TRERF1: variants seen among roughly 807,000 people sequenced by gnomAD.
TRERF1 encodes the protein transcriptional regulating factor 1.
Under a neutral mutation model 122.9 loss-of-function variants are expected in TRERF1, and 27 were observed. That is an observed-to-expected ratio of 0.22 (90% CI 0.16 to 0.30). The LOEUF is 0.30. Ranked by LOEUF, TRERF1 falls within the 10% of genes least tolerant of loss-of-function variation. TRERF1 has a pLI of 1.00. For synonymous variants in TRERF1, 636 were observed against 641.7 expected (o/e 0.99, Z 0.13); for missense variants, 1,248 against 1,560.3 (o/e 0.80, Z 3.37).
intron 3 of TRERF1, among the ~76,000 whole-genome samples, chr6:42,306,036 C>CTG (rs1298062376): frequency 7.4e-5 from 8 of 108,452 alleles, no homozygotes; most frequent in Admixed American, 1.5e-4. Flanking sequence ...GAGTCTTACT[C>CTG]TGTCTCCCAG....
intron 2 of TRERF1, among the ~76,000 whole-genome samples, chr6:42,380,593 C>T (rs1775745718): frequency 6.6e-6 from 1 of 152,202 alleles, no homozygotes; most frequent in African/African-American, 2.4e-5. Context: ...AAATGTCTCA[C>T]TCTCTGACTT....
chr6:42,243,425 T>C, intron 14 of TRERF1, 64 bp from the exon 15 acceptor site: 1 of 1,156,026 alleles, frequency 8.7e-7, no homozygotes, highest in African/African-American at 1.5e-5. Flanking sequence ...TAGCAAGCAT[T>C]TTTGAATATT....
intron 2 of TRERF1, among the ~76,000 whole-genome samples, chr6:42,420,362 G>A (rs992896921): frequency 6.6e-6 from 1 of 152,130 alleles, no homozygotes; most frequent in African/African-American, 2.4e-5. Flanking sequence ...AACCTGATAA[G>A]AAGCTCCAGT....
At chr6:42,445,837 T>G (rs867672385) in intron 2 of TRERF1, among the ~76,000 whole-genome samples, 11 of 152,196 alleles carry the variant, frequency 7.2e-5, no homozygotes, top group African/African-American at 2.2e-4. Context: ...TCTGCTCTCT[T>G]CTCCACCAAT....
intron 3 of TRERF1, among the ~76,000 whole-genome samples, chr6:42,333,320 G>A (rs1474805514): frequency 1.3e-5 from 2 of 152,266 alleles, no homozygotes; most frequent in Middle Eastern, 3.4e-3. Flanking sequence ...GTTTTAGGGC[G>A]CTCACAACTG....
At chr6:42,385,828 C>A (rs1776705672) in intron 2 of TRERF1, among the ~76,000 whole-genome samples, 1 of 152,206 alleles carries the variant, frequency 6.6e-6, no homozygotes, top group African/African-American at 2.4e-5. Context: ...AATAAATCTT[C>A]TCTGCACAGT....
At chr6:42,443,363 G>A (rs546307672) in intron 2 of TRERF1, among the ~76,000 whole-genome samples, 22 of 152,322 alleles carry the variant, frequency 1.4e-4, no homozygotes, top group African/African-American at 4.3e-4. Flanking sequence ...CCAGGAGCCC[G>A]ATTAGTGAAA....
intron 4 of TRERF1, among the ~76,000 whole-genome samples, chr6:42,297,587 C>T (rs535515184): frequency 6.6e-6 from 1 of 152,284 alleles, no homozygotes; most frequent in South Asian, 2.1e-4. Context: ...AAGGGCTGAG[C>T]AGAATGGGGG....
intron 2 of TRERF1, among the ~76,000 whole-genome samples, chr6:42,376,966 A>C (rs1364400114): frequency 6.6e-6 from 1 of 151,896 alleles, no homozygotes; most frequent in Non-Finnish European, 1.5e-5. Context: ...CCCGGGTTCA[A>C]GCGATTCTCC....
At chr6:42,414,421 G>A (rs760828305) in intron 2 of TRERF1, among the ~76,000 whole-genome samples, 17 of 152,052 alleles carry the variant, frequency 1.1e-4, no homozygotes, top group Non-Finnish European at 2.4e-4. Flanking sequence ...ATATTATACT[G>A]TCAAAAACAT....
intron 2 of TRERF1, among the ~76,000 whole-genome samples, chr6:42,447,223 A>C (rs1033511030): frequency 1.3e-5 from 2 of 152,204 alleles, no homozygotes; most frequent in Admixed American, 1.3e-4. Flanking sequence ...TTCTTCAGTA[A>C]ACCAAATTAC....
intron 2 of TRERF1, among the ~76,000 whole-genome samples, chr6:42,379,642 C>T (rs1775563531): frequency 6.6e-6 from 1 of 152,116 alleles, no homozygotes; most frequent in Non-Finnish European, 1.5e-5. Context: ...ACAATCCTCC[C>T]ACCTCAGCCT....
intron 2 of TRERF1, among the ~76,000 whole-genome samples, chr6:42,382,981 T>C (rs1430522216): frequency 2.6e-5 from 4 of 152,146 alleles, no homozygotes; most frequent in African/African-American, 9.7e-5. Context: ...ACCACTGCTT[T>C]GTGTTTAGAT....
At chr6:42,237,007 G>T (rs1772393557) in intron 15 of TRERF1, among the ~76,000 whole-genome samples, 1 of 152,224 alleles carries the variant, frequency 6.6e-6, no homozygotes, top group South Asian at 2.1e-4. Context: ...TGGAAGGGGA[G>T]ATTCCCTTTT....
chr6:42,307,731 A>C (rs1320379835), intron 3 of TRERF1, among the ~76,000 whole-genome samples: 3 of 151,968 alleles, frequency 2.0e-5, no homozygotes, highest in Non-Finnish European at 4.4e-5. Flanking sequence ...ACAACAGCAC[A>C]CGAAGTAACA....
intron 2 of TRERF1, among the ~76,000 whole-genome samples, chr6:42,391,019 C>G (rs1032266430): frequency 1.3e-5 from 2 of 152,154 alleles, no homozygotes; most frequent in African/African-American, 4.8e-5. Flanking sequence ...CAGCTTAGAA[C>G]AGAGGTCAGA....
At chr6:42,400,673 C>G (rs1487906709) in intron 2 of TRERF1, among the ~76,000 whole-genome samples, 1 of 152,160 alleles carries the variant, frequency 6.6e-6, no homozygotes, top group African/African-American at 2.4e-5. Flanking sequence ...ATCACCTCCC[C>G]ACAAAGCTGG....
chr6:42,272,352 G>A (rs533228971), intron 4 of TRERF1, among the ~76,000 whole-genome samples: 5 of 152,242 alleles, frequency 3.3e-5, no homozygotes, highest in East Asian at 1.9e-4. Flanking sequence ...AAGGCGAGCC[G>A]TGGGTGGAAG....
intron 2 of TRERF1, among the ~76,000 whole-genome samples, chr6:42,373,426 G>C (rs957385767): frequency 6.6e-6 from 1 of 152,192 alleles, no homozygotes; most frequent in African/African-American, 2.4e-5. Flanking sequence ...CCAGCACTTT[G>C]GGAGGCCAAG....
Sources: gnomAD v4.1 joint callset for allele counts (sites outside exome capture counted in the v4.1 genomes callset) on GRCh38, gnomAD v4.1.1 for gene constraint, MANE v1.5 for transcripts, NCBI Gene and HGNC (gene_info 2026-07-23, HGNC 2026-07-21) for gene names.